UNC5A: variants seen among roughly 807,000 people sequenced by gnomAD.
The protein encoded by UNC5A is netrin receptor UNC5A.
UNC5A carries 20 observed loss-of-function variants against 87.4 expected under a neutral mutation model. The observed-to-expected ratio is 0.23, with a 90% CI of 0.16 to 0.33. The LOEUF (loss-of-function observed/expected upper bound fraction) is 0.33, where lower values mean the gene tolerates loss of function less well. UNC5A is among the 10% of genes least tolerant of loss of function. UNC5A has a pLI of 1.00. For synonymous variants in UNC5A, 438 were observed against 482.3 expected, an observed-to-expected ratio of 0.91 and a Z score of 1.20; for missense variants, 844 against 1,133.4, an observed-to-expected ratio of 0.74 and a Z score of 3.67.
At position 176,812,705 on chromosome 5, in the gene UNC5A, G is replaced by A. The variant is rs141765970; in HGVS notation, c.70+1885G>A. ...CTGGCCCAAGGTTGCCCAGGGAGTC[G>A]GCAGGTGGGCACAGGTGCTGCAGGG... is the stretch of plus-strand genomic sequence containing the variant. On this transcript the variant is annotated intron_variant, in intron 1 of 14. Transcript: ENST00000329542. Among the ~76,000 whole-genome samples, 1,003 of 152,284 alleles carry A rather than the reference G, an allele frequency of 6.6e-3. 7 individuals carry two copies. Among genetic ancestry groups the A allele is most frequent in the African/African-American group, 8.6e-3 (359 of 41,542 alleles).
chr5:176,867,266 T>G (rs1757997782), intron 2 of UNC5A, among the ~76,000 whole-genome samples: 1 of 152,142 alleles, frequency 6.6e-6, no homozygotes, highest in African/African-American at 2.4e-5. Flanking sequence ...GGAGGAGGGT[T>G]GCTGCCCCCG....
At chr5:176,830,537 T>TGTGTGTGCATGTGC (rs1267437314) in intron 1 of UNC5A, among the ~76,000 whole-genome samples, 10 of 131,768 alleles carry the variant, frequency 7.6e-5, no homozygotes, top group African/African-American at 3.0e-4. Context: ...TGGGTGTTGG[T>TGTGTGTGCATGTGC]GTGTGTGCAT....
intron 4 of UNC5A, 34 bp downstream of exon 4, chr5:176,868,698 G>C: frequency 3.1e-6 from 5 of 1,591,690 alleles, no homozygotes; most frequent in Non-Finnish European, 4.3e-6. Context: ...GTCTGGACCT[G>C]GGCTCCTGCC....
Position 176,880,060 on chromosome 5 carries a change from T to C in UNC5A, c.*174T>C. 1 of 849,128 alleles carries C rather than the reference T, an allele frequency of 1.2e-6. No individual in the cohort carries two copies. Among genetic ancestry groups the C allele is most frequent in the Non-Finnish European group, 1.8e-6 (1 of 571,396 alleles). 52.6% of individuals were successfully genotyped at this position (849,128 alleles called of 1,614,324 possible). A position where few individuals can be genotyped will look rare whatever the true frequency, so the allele number is the denominator to read the frequency against. ...CAGACCCTGCCCGAACTCCCACCTC[T>C]CCATGGCCTGCCTAGCCAGGCTGGC... On this transcript the variant is annotated 3_prime_UTR_variant, in exon 15 of 15. Transcript: ENST00000329542.
chr5:176,863,015 C>T (rs1757880829), intron 2 of UNC5A, among the ~76,000 whole-genome samples, 170 bp downstream of exon 2: 1 of 152,226 alleles, frequency 6.6e-6, no homozygotes, highest in Non-Finnish European at 1.5e-5. Flanking sequence ...GAGGGGGTCC[C>T]TGATGACCAA....
At chr5:176,876,156 T>C (rs897988396) in intron 8 of UNC5A, among the ~76,000 whole-genome samples, 5 of 151,968 alleles carry the variant, frequency 3.3e-5, no homozygotes, top group African/African-American at 1.2e-4. Context: ...GCATTAGGAG[T>C]TGATGAATGA....
In UNC5A at chr5:176,849,290, A is replaced by G. The variant is rs181059600; in HGVS notation, c.71-13334A>G. Among the ~76,000 whole-genome samples, 461 of 152,328 alleles carry G rather than the reference A, an allele frequency of 3.0e-3. 4 individuals carry two copies. The highest frequency in any genetic ancestry group is 0.01 in the African/African-American group (421 of 41,568). On this transcript the variant is annotated intron_variant, in intron 1 of 14. Transcript: ENST00000329542. ...GATTTCCAGCTTCCCTTGGGGAAAA[A>G]AAAATCAGTGCAGGCTGGGCGCAGT...
chr5:176,824,614 C>T lies in UNC5A; in HGVS notation c.70+13794C>T, dbSNP rs1756809154. Among the ~76,000 whole-genome samples the T allele has an allele frequency of 6.6e-6, 1 of 152,176 alleles. No individual in the cohort carries two copies. The highest frequency in any genetic ancestry group is 2.4e-5 in the African/African-American group (1 of 41,444). On this transcript the variant is annotated intron_variant, in intron 1 of 14. Coordinates refer to ENST00000329542, the MANE Select transcript of UNC5A (RefSeq NM_133369.3). The surrounding 1 kb of genome is among the most constrained non-coding windows in gnomAD (Gnocchi z 4.2). ...ATAAAAATCCAAATGTCAGGCTTCT[C>T]TTGAAAAAGCAAAAGATCTGGGCTG... is the stretch of plus-strand genomic sequence containing the variant.
chr5:176,879,483 G>A lies in UNC5A; in HGVS notation c.2358G>A (p.Leu786=). ...GGACTCTGGCCCAGAAACTCCACCT[G>A]GACAGGTGGGCGGGAGAGGGGCAGA... ...DWRTLAQKLH[L]DSHLSFFASK... The change falls in exon 14 of 15, where the codon CTG becomes CTA. Residue 786 remains leucine, a synonymous_variant. Coordinates refer to ENST00000329542, the MANE Select transcript of UNC5A (RefSeq NM_133369.3). 1 of 1,606,372 alleles carries A rather than the reference G, an allele frequency of 6.2e-7. No individual in the cohort carries two copies. The highest frequency in any genetic ancestry group is 8.5e-7 in the Non-Finnish European group (1 of 1,176,776).
rs191143040 is a variant in UNC5A at position 176,839,315 on chromosome 5, G to A, written c.71-23309G>A. 1.1e-3 allele frequency among the ~76,000 whole-genome samples: 160 copies of A among 152,374 alleles called. 2 individuals are homozygous for A. Among genetic ancestry groups the A allele is most frequent in the African/African-American group, 3.5e-3 (147 of 41,596 alleles). ...AAGGCCACTCAGCCATGAGCACATCGGAAGAAGATGAACTGAAAGCCAGGA... is the reference window on the plus strand; with the variant it reads ...AAGGCCACTCAGCCATGAGCACATCAGAAGAAGATGAACTGAAAGCCAGGA... On this transcript the variant is annotated intron_variant, in intron 1 of 14. Coordinates refer to ENST00000329542, the MANE Select transcript of UNC5A (RefSeq NM_133369.3).
In UNC5A at chr5:176,865,626, A is replaced by G. The variant is rs1757956616; in HGVS notation, c.293-2504A>G. The G allele has an allele frequency of 6.6e-6, 3 of 456,698 alleles. No individual in the cohort carries two copies. The highest frequency in any genetic ancestry group is 1.4e-4 in the East Asian group (2 of 14,406). The allele number at this position is 456,698 out of a possible 1,614,324, so 28.3% of individuals were successfully genotyped here. A position where few individuals can be genotyped will look rare whatever the true frequency, so the allele number is the denominator to read the frequency against. The stretch of plus-strand genomic sequence containing the variant: ...GCCATCGAGTGCTTTGAGGTGAAGA[A>G]AAAGGCTTTCCTTACCCACGGCAGA... On this transcript the variant is annotated intron_variant, in intron 2 of 14. Transcript: ENST00000329542. This position sits in a 1 kb window ranked among gnomAD's most constrained non-coding sequence, Gnocchi z 5.3.
intron 3 of UNC5A, 130 bp from the exon 4 acceptor site, chr5:176,868,431 C>G: frequency 1.4e-6 from 2 of 1,432,900 alleles, no homozygotes; most frequent in Non-Finnish European, 1.9e-6. Context: ...CCCAGCCACC[C>G]CATGGCCCCC....
intron 1 of UNC5A, among the ~76,000 whole-genome samples, chr5:176,812,028 C>A (rs1756470114): frequency 6.6e-6 from 1 of 152,108 alleles, no homozygotes. Flanking sequence ...TGCCTGACCG[C>A]CCGCCCCATC....
At chr5:176,860,833 G>T (rs1757818966) in intron 1 of UNC5A, among the ~76,000 whole-genome samples, 2 of 152,190 alleles carry the variant, frequency 1.3e-5, no homozygotes. Flanking sequence ...AACATGCGGG[G>T]GGCAGTTGCC....
rs565426846 is a variant in UNC5A, at chr5:176,812,126, C to T, written c.70+1306C>T. On this transcript the variant is annotated intron_variant, in intron 1 of 14. Transcript: ENST00000329542. Reference sequence around the variant, plus strand: ...CCCCTCTTCTTCCCCAGGGCCTCTCCTTCTAATCCTGACCAAGCTGAGAGG... The same window carrying T: ...CCCCTCTTCTTCCCCAGGGCCTCTCTTTCTAATCCTGACCAAGCTGAGAGG... 2.7e-4 allele frequency among the ~76,000 whole-genome samples: 41 copies of T among 152,260 alleles called. No individual in the cohort carries two copies. In the South Asian group the frequency reaches 7.9e-3, roughly 29 times the overall value.
chr5:176,822,132 G>A (rs1333757206), intron 1 of UNC5A, among the ~76,000 whole-genome samples: 2 of 152,240 alleles, frequency 1.3e-5, no homozygotes, highest in Admixed American at 6.5e-5. Flanking sequence ...TACCTCATAG[G>A]GCTGCAAGGA....
At position 176,879,982 on chromosome 5, in the gene UNC5A, G is replaced by T. The variant is rs1758377722; in HGVS notation, c.*96G>T. On this transcript the variant is annotated 3_prime_UTR_variant, in exon 15 of 15. Transcript: ENST00000329542. ...GGGGCCCTTCCCCACACCGGGGAGA[G>T]CTGCTCGGACAGGCCCCCTCCCGGC... 3 of 1,454,546 alleles carry T rather than the reference G, an allele frequency of 2.1e-6. No individual in the cohort carries two copies. The highest frequency in any genetic ancestry group is 2.7e-6 in the Non-Finnish European group (3 of 1,094,620). 90.1% of individuals were successfully genotyped at this position (1,454,546 alleles called of 1,614,324 possible).
chr5:176,846,984 C>CCTT (rs1438970534), intron 1 of UNC5A, among the ~76,000 whole-genome samples: 1 of 152,134 alleles, frequency 6.6e-6, no homozygotes, highest in Admixed American at 6.5e-5. Flanking sequence ...CTCTGCCCTC[C>CCTT]CAGAGCTTCC....
chr5:176,831,553 C>T (rs986829347), intron 1 of UNC5A, among the ~76,000 whole-genome samples: 7 of 152,230 alleles, frequency 4.6e-5, no homozygotes, highest in African/African-American at 7.2e-5. Context: ...GGGGCCTAGC[C>T]GTGGGCTGGG....
Sources: allele counts gnomAD v4.1 joint callset (sites outside exome capture counted in the v4.1 genomes callset), GRCh38; gene constraint gnomAD v4.1.1; non-coding constraint Gnocchi (gnomAD v3.1); transcripts MANE v1.5; gene names NCBI Gene and HGNC (gene_info 2026-07-23, HGNC 2026-07-21).